CYLD: variants seen among roughly 807,000 people sequenced by gnomAD.
The protein encoded by CYLD is CYLD lysine 63 deubiquitinase, also known as ubiquitin carboxyl-terminal hydrolase CYLD.
A neutral mutation model predicts 104.5 loss-of-function variants in CYLD; 26 were observed. The observed-to-expected ratio is 0.25, with a 90% CI of 0.18 to 0.35. The LOEUF is 0.35. Among genes scored for constraint, CYLD ranks in the 10% least tolerant of loss-of-function variants. CYLD has a pLI of 1.00. For synonymous variants in CYLD, 385 were observed against 399.9 expected, an observed-to-expected ratio of 0.96 and a Z score of 0.45; for missense variants, 703 against 1,136.1, an observed-to-expected ratio of 0.62 and a Z score of 5.48.
At chr16:50,764,401 A>G (rs1968271269) in intron 5 of CYLD, among the ~76,000 whole-genome samples, 2 of 152,078 alleles carry the variant, frequency 1.3e-5, no homozygotes, top group Admixed American at 1.3e-4. Context: ...GAATGTATCC[A>G]TTTAATTCAT....
At chr16:50,783,974 TCTG>T (rs1449161689) in intron 11 of CYLD, 1 of 306,512 alleles carries the variant, frequency 3.3e-6, no homozygotes, top group Non-Finnish European at 6.3e-6. Context: ...AATGCTGTCC[TCTG>T]TTGTCTGTTT....
rs776692170 is a variant in CYLD, at chr16:50,750,070, A to C, written c.372A>C (p.Gln124His). 16 of 1,614,048 alleles carry C rather than the reference A, an allele frequency of 9.9e-6. No individual in the cohort carries two copies. The Admixed American group carries it at 2.7e-4, about 27-fold the overall frequency. The stretch of plus-strand genomic sequence containing the variant: ...GAAACAGACTAAGTAAAGGCCTCCA[A>C]ATAGACGTGGGCTGTCCTGTGAAAG... Reference protein sequence around the residue: ...KNRNRLSKGLQIDVGCPVKVQ... With the variant: ...KNRNRLSKGLHIDVGCPVKVQ... Residue 124 changes from glutamine (Q) to histidine (H), a missense_variant, in exon 3 of 19, where the codon CAA becomes CAC. Transcript: ENST00000427738.
intron 11 of CYLD, 199 bp from the exon 12 acceptor site, chr16:50,784,130 T>C (rs1423832800): frequency 3.7e-6 from 2 of 541,702 alleles, no homozygotes; most frequent in Non-Finnish European, 3.3e-6. Context: ...GTCCTTAACA[T>C]GGAAGGATCT....
At chr16:50,747,340 A>G (rs1966275666) in intron 2 of CYLD, among the ~76,000 whole-genome samples, 1 of 152,252 alleles carries the variant, frequency 6.6e-6, no homozygotes, top group Non-Finnish European at 1.5e-5. Context: ...TCAAATGCAT[A>G]CAGCAGGAAA....
In CYLD at chr16:50,751,833, A is replaced by T. The variant is rs749535920; in HGVS notation, c.734A>T (p.Glu245Val). 1 of 1,613,570 alleles carries T rather than the reference A, an allele frequency of 6.2e-7. No individual in the cohort carries two copies. The highest frequency in any genetic ancestry group is 1.7e-5 in the Admixed American group (1 of 59,914). ...TCTTTGAAGGTTGGAGAAACAATAG[A>T]ATCTGGAACAGTTATATTCTGTGAT... ...RVSLKVGETI[E>V]SGTVIFCDVL... Residue 245 changes from glutamate (E) to valine (V), a missense_variant, in exon 4 of 19, where the codon GAA becomes GTA. Glu to Val is a moderately radical substitution (Grantham distance 121). Coordinates refer to ENST00000427738, the MANE Select transcript of CYLD (RefSeq NM_001378743.1).
intron 5 of CYLD, among the ~76,000 whole-genome samples, chr16:50,774,036 C>T (rs995603732): frequency 6.6e-6 from 1 of 152,192 alleles, no homozygotes; most frequent in Non-Finnish European, 1.5e-5. Flanking sequence ...TCCAGTCCTG[C>T]CAGGCTACCT....
chr16:50,782,299 TA>T (rs754981128), intron 10 of CYLD, 25 bp from the exon 11 acceptor site: 1 of 1,488,484 alleles, frequency 6.7e-7, no homozygotes, highest in African/African-American at 1.4e-5. Flanking sequence ...TCTTTTCATT[TA>T]CTTTTTTTAA....
chr16:50,779,736 C>G lies in CYLD; in HGVS notation c.1210C>G (p.Pro404Ala), dbSNP rs1567446473. The G allele has an allele frequency of 6.2e-7, 1 of 1,613,886 alleles. No homozygotes were observed. The highest frequency in any genetic ancestry group is 1.1e-5 in the South Asian group (1 of 91,076). ...TGACCGTTCTTCACCACCACTCCAG[C>G]CTCCTCCTGTGAACTCACTGACCAC... ...DFDRSSPPLQ[P>A]PPVNSLTTEN... Residue 404 changes from proline (P) to alanine (A), a missense_variant, in exon 9 of 19, where the codon CCT becomes GCT. By Grantham distance (27) the Pro-to-Ala change is conservative (BLOSUM62 -1). Coordinates refer to ENST00000427738, the MANE Select transcript of CYLD (RefSeq NM_001378743.1).
At position 50,764,124 on chromosome 16, in the gene CYLD, A is replaced by T. The variant is rs529454898; in HGVS notation, c.913+9700A>T. On this transcript the variant is annotated intron_variant, in intron 5 of 18. Transcript: ENST00000427738. Reference sequence around the variant, plus strand: ...GCTAGTATTTGCATCCTGTTTTTAAAATCTCTGTTTATAAGAGATATTGGC... The same window carrying T: ...GCTAGTATTTGCATCCTGTTTTTAATATCTCTGTTTATAAGAGATATTGGC... Among the ~76,000 whole-genome samples the T allele has an allele frequency of 6.6e-5, 10 of 152,232 alleles. No homozygotes were observed. In the East Asian group the frequency reaches 1.9e-3, roughly 29 times the overall value.
chr16:50,772,959 T>C (rs1312818538), intron 5 of CYLD, among the ~76,000 whole-genome samples: 2 of 152,242 alleles, frequency 1.3e-5, no homozygotes, highest in African/African-American at 4.8e-5. Context: ...TATACTATTA[T>C]GGAAAATATT....
At chr16:50,775,046 T>G in intron 5 of CYLD, 120 bp from the exon 6 acceptor site, 1 of 797,546 alleles carries the variant, frequency 1.3e-6, no homozygotes, top group Non-Finnish European at 2.0e-6. Context: ...ATTCATTTAG[T>G]AAATTTCCTC....
At chr16:50,787,573 C>A (rs1399966594) in intron 13 of CYLD, 1 of 486,850 alleles carries the variant, frequency 2.1e-6, no homozygotes, top group East Asian at 3.6e-5. Flanking sequence ...AATAAACTCA[C>A]AACAAAATTG....
chr16:50,784,160 C>A, intron 11 of CYLD, 169 bp from the exon 12 acceptor site: 1 of 636,220 alleles, frequency 1.6e-6, no homozygotes. Flanking sequence ...GATGATTGAA[C>A]CATGGGTATC....
At chr16:50,764,145 T>C (rs1290044710) in intron 5 of CYLD, among the ~76,000 whole-genome samples, 2 of 152,210 alleles carry the variant, frequency 1.3e-5, no homozygotes, top group Non-Finnish European at 1.5e-5. Flanking sequence ...ATAAGAGATA[T>C]TGGCCTATAC....
At chr16:50,766,094 A>G (rs1426925651) in intron 5 of CYLD, among the ~76,000 whole-genome samples, 1 of 152,238 alleles carries the variant, frequency 6.6e-6, no homozygotes, top group African/African-American at 2.4e-5. Flanking sequence ...AGAAGATACC[A>G]TCTAAGACTT....
chr16:50,749,704 T>A lies in CYLD; in HGVS notation c.6T>A (p.Ser2Arg). The change falls in exon 3 of 19, where the codon AGT becomes AGA. Residue 2 changes from serine to arginine, a missense_variant. Physicochemically the swap from Ser to Arg is moderately radical, Grantham distance 110. Transcript: ENST00000427738. M[S>R]SGLWSQEKVT... The stretch of plus-strand genomic sequence containing the variant: ...ATTTTGAAGTTAATATCACAATGAG[T>A]TCAGGCTTATGGAGCCAAGAAAAAG... 1 of 1,613,558 alleles carries A rather than the reference T, an allele frequency of 6.2e-7. No homozygotes were observed.
intron 5 of CYLD, among the ~76,000 whole-genome samples, chr16:50,755,156 T>C (rs1404837601): frequency 2.9e-5 from 4 of 136,908 alleles, no homozygotes; most frequent in Non-Finnish European, 6.3e-5. Flanking sequence ...TGTGTGTATA[T>C]ACACACGTGT....
intron 2 of CYLD, among the ~76,000 whole-genome samples, chr16:50,747,259 T>C (rs1275525082): frequency 1.3e-5 from 2 of 152,184 alleles, no homozygotes; most frequent in African/African-American, 2.4e-5. Flanking sequence ...CACACAAACA[T>C]ATTTCACTAC....
chr16:50,770,257 G>A (rs1397000559), intron 5 of CYLD, among the ~76,000 whole-genome samples: 2 of 152,034 alleles, frequency 1.3e-5, no homozygotes, highest in African/African-American at 4.8e-5. Context: ...CTTTACCACT[G>A]GCAATATATG....
Sources: gnomAD v4.1 joint callset for allele counts (sites outside exome capture counted in the v4.1 genomes callset) on GRCh38, gnomAD v4.1.1 for gene constraint, MANE v1.5 for transcripts, NCBI Gene and HGNC (gene_info 2026-07-23, HGNC 2026-07-21) for gene names.